ST18: variants seen among roughly 807,000 people sequenced by gnomAD.
ST18 encodes suppression of tumorigenicity 18 protein.
ST18 carries 50 observed loss-of-function variants against 110.0 expected under a neutral mutation model. The observed-to-expected ratio is 0.45, with a 90% CI of 0.36 to 0.58. The LOEUF is 0.58. ST18 is among the 20% of genes least tolerant of loss of function. The pLI is 0.00. For synonymous variants in ST18, 461 were observed against 452.4 expected, an observed-to-expected ratio of 1.02 and a Z score of -0.24; for missense variants, 1,306 against 1,280.1, an observed-to-expected ratio of 1.02 and a Z score of -0.31.
At chr8:52,318,030 G>C (rs2096061293) in intron 2 of ST18, among the ~76,000 whole-genome samples, 1 of 152,254 alleles carries the variant, frequency 6.6e-6, no homozygotes, top group South Asian at 2.1e-4. Flanking sequence ...ATTGATAAAT[G>C]GGATCTAGTT....
chr8:52,204,699 C>CAAGAA (rs2079297367), intron 8 of ST18, among the ~76,000 whole-genome samples: 1 of 152,114 alleles, frequency 6.6e-6, no homozygotes, highest in Non-Finnish European at 1.5e-5. Context: ...ATTTATATTA[C>CAAGAA]AAGAAAAGAA....
chr8:52,120,221 A>G (rs1482752157), intron 23 of ST18, among the ~76,000 whole-genome samples: 1 of 152,234 alleles, frequency 6.6e-6, no homozygotes, highest in Non-Finnish European at 1.5e-5. Context: ...CTGGATTCTC[A>G]ATGAAACAGG....
chr8:52,193,288 C>T (rs954049163), intron 8 of ST18, among the ~76,000 whole-genome samples: 2 of 152,150 alleles, frequency 1.3e-5, no homozygotes, highest in African/African-American at 4.8e-5. Flanking sequence ...CTCCTCCTCC[C>T]TTCAGGACTA....
intron 2 of ST18, among the ~76,000 whole-genome samples, chr8:52,318,663 T>A (rs1354780891): frequency 1.3e-5 from 2 of 152,084 alleles, no homozygotes; most frequent in Admixed American, 1.3e-4. Context: ...CCATCAATGA[T>A]AAGATGGGCA....
chr8:52,354,334 G>T (rs73586630), intron 2 of ST18, among the ~76,000 whole-genome samples: 137 of 152,206 alleles, frequency 9.0e-4, no homozygotes, highest in African/African-American at 3.2e-3. Flanking sequence ...TGCCTCGACC[G>T]AGTAAAGTCA....
Position 52,113,249 on chromosome 8 carries a change from G to T in ST18, c.3093C>A (p.Cys1031Ter), listed in dbSNP as rs1418031392. ...SNLERDYSPECKALLESIKQA... is the reference protein window; with the variant it reads ...SNLERDYSPE ...GTTTGATACTTTCCAGTAGAGCTTT[G>T]CATTCCGGGGAATAGTCCCGTTCCA... is the stretch of plus-strand genomic sequence containing the variant. The change falls in exon 26 of 26, where the codon TGC (cysteine) becomes TGA (stop). Residue 1031 changes from cysteine (C) to a stop codon, truncating the protein, a stop_gained. Coordinates refer to ENST00000689386, the MANE Select transcript of ST18 (RefSeq NM_001352837.2). LOFTEE classifies it high-confidence loss of function. The T allele has an allele frequency of 3.1e-6, 5 of 1,614,086 alleles. No homozygotes were observed. The highest frequency in any genetic ancestry group is 3.4e-6 in the Non-Finnish European group (4 of 1,179,986).
rs192685218 is a variant in ST18 at position 52,216,312 on chromosome 8, T to C, written c.-1+1434A>G. ...ATTGGAAGGGATACATAAATATTCA[T>C]GGACCTCCCTTTGACTGTGCTTGGA... On this transcript the variant is annotated intron_variant, in intron 6 of 25. Coordinates refer to ENST00000689386, the MANE Select transcript of ST18 (RefSeq NM_001352837.2). 1.2e-4 allele frequency among the ~76,000 whole-genome samples: 18 copies of C among 152,324 alleles called. No homozygotes were observed. The East Asian group carries it at 3.1e-3, about 26-fold the overall frequency.
At chr8:52,341,924 T>C (rs1815233470) in intron 2 of ST18, among the ~76,000 whole-genome samples, 1 of 152,134 alleles carries the variant, frequency 6.6e-6, no homozygotes, top group Non-Finnish European at 1.5e-5. Context: ...TCCTTGTATT[T>C]AAGGAAAATA....
intron 2 of ST18, among the ~76,000 whole-genome samples, chr8:52,321,820 C>G (rs1242460317): frequency 2.0e-5 from 3 of 152,148 alleles, no homozygotes; most frequent in Non-Finnish European, 4.4e-5. Flanking sequence ...GAAAGTAGGT[C>G]CTCATCCTGA....
intron 17 of ST18, among the ~76,000 whole-genome samples, chr8:52,139,538 TAG>T (rs1301661478): frequency 1.3e-5 from 2 of 152,014 alleles, no homozygotes; most frequent in African/African-American, 4.8e-5. Flanking sequence ...GTGTTTTTAG[TAG>T]AGACGGGGTT....
intron 25 of ST18, among the ~76,000 whole-genome samples, chr8:52,115,119 T>A (rs969611134): frequency 1.3e-5 from 2 of 152,218 alleles, no homozygotes; most frequent in Non-Finnish European, 2.9e-5. Flanking sequence ...TCAAGAAACA[T>A]ATTTGGAATC....
At chr8:52,278,003 A>T (rs1248771210) in intron 2 of ST18, among the ~76,000 whole-genome samples, 3 of 152,172 alleles carry the variant, frequency 2.0e-5, no homozygotes, top group Non-Finnish European at 4.4e-5. Context: ...ATAAATGCAC[A>T]AAATATTATA....
chr8:52,229,726 G>A (rs1426436615), intron 3 of ST18: 1 of 152,070 alleles, frequency 6.6e-6, no homozygotes, highest in East Asian at 1.9e-4. Context: ...TTTGGGGAGG[G>A]GTACTTTATC....
chr8:52,184,056 G>A (rs976550709), intron 8 of ST18, among the ~76,000 whole-genome samples: 3 of 152,126 alleles, frequency 2.0e-5, no homozygotes, highest in African/African-American at 7.2e-5. Context: ...ACACTTCACT[G>A]TGACACTGCA....
intron 7 of ST18, among the ~76,000 whole-genome samples, chr8:52,213,145 T>G (rs1039444680): frequency 6.6e-6 from 1 of 152,174 alleles, no homozygotes; most frequent in Non-Finnish European, 1.5e-5. Flanking sequence ...TAATACAGTA[T>G]AAAATTTCTG....
chr8:52,317,876 A>G (rs2096059564), intron 2 of ST18, among the ~76,000 whole-genome samples: 1 of 152,222 alleles, frequency 6.6e-6, no homozygotes, highest in Non-Finnish European at 1.5e-5. Context: ...TACGTGGAAT[A>G]TTTGGCCACA....
intron 2 of ST18, among the ~76,000 whole-genome samples, chr8:52,346,791 G>T (rs79373833): frequency 2.7e-4 from 41 of 152,112 alleles, no homozygotes; most frequent in Admixed American, 1.0e-3. Context: ...GGATAGAAAG[G>T]TTTCGAGGGT....
In ST18 at chr8:52,236,728, G is replaced by T. The variant is rs528677312; in HGVS notation, c.-464-6651C>A. Among the ~76,000 whole-genome samples, 20 of 152,276 alleles carry T rather than the reference G, an allele frequency of 1.3e-4. No individual in the cohort carries two copies. In the East Asian group the frequency reaches 3.9e-3, roughly 29 times the overall value. On this transcript the variant is annotated intron_variant, in intron 2 of 25. Coordinates refer to ENST00000689386, the MANE Select transcript of ST18 (RefSeq NM_001352837.2). ...TAGAAAGATCCACAATGATAGCGTGGTCTCTTAGGGAATGGGAGCTTTTGT... is the reference window on the plus strand; with the variant it reads ...TAGAAAGATCCACAATGATAGCGTGTTCTCTTAGGGAATGGGAGCTTTTGT...
At chr8:52,213,433 C>G (rs529037167) in intron 7 of ST18, among the ~76,000 whole-genome samples, 2 of 115,180 alleles carry the variant, frequency 1.7e-5, no homozygotes, top group East Asian at 5.9e-4. Context: ...AGCTTTTCCT[C>G]TGTGAGGTGG....
Sources: allele counts gnomAD v4.1 joint callset (sites outside exome capture counted in the v4.1 genomes callset), GRCh38; gene constraint gnomAD v4.1.1; transcripts MANE v1.5; gene names NCBI Gene and HGNC (gene_info 2026-07-23, HGNC 2026-07-21).